Variants in RAPGEF4 observed in about 807,000 individuals in gnomAD.
RAPGEF4 encodes the protein RAP guanine-nucleotide-exchange factor (GEF) 4.
RAPGEF4 carries 66 observed loss-of-function variants against 147.9 expected under a neutral mutation model. The ratio of observed to expected loss-of-function variants is 0.45; its 90% CI spans 0.37 to 0.55. The LOEUF (loss-of-function observed/expected upper bound fraction) is 0.55. Among genes scored for constraint, RAPGEF4 ranks in the 20% least tolerant of loss-of-function variants. The pLI, the probability that RAPGEF4 is intolerant of heterozygous loss-of-function variation, is 0.00. For missense variants in RAPGEF4, 1,071 were observed against 1,257.3 expected, an observed-to-expected ratio of 0.85 and a Z score of 2.24; for synonymous variants, 419 against 442.7, an observed-to-expected ratio of 0.95 and a Z score of 0.67.
At chr2:172,786,326 T>C (rs1685194842) in intron 1 of RAPGEF4, among the ~76,000 whole-genome samples, 1 of 152,124 alleles carries the variant, frequency 6.6e-6, no homozygotes, top group Non-Finnish European at 1.5e-5. Flanking sequence ...TATACTATAT[T>C]CTAATTTTGG....
At chr2:172,776,514 T>C (rs1187059901) in intron 1 of RAPGEF4, among the ~76,000 whole-genome samples, 1 of 152,224 alleles carries the variant, frequency 6.6e-6, no homozygotes, top group Non-Finnish European at 1.5e-5. Flanking sequence ...TAAATTTTTT[T>C]CCCCTCCATT....
At chr2:172,868,853 C>T (rs1017919655) in intron 4 of RAPGEF4, among the ~76,000 whole-genome samples, 1 of 152,142 alleles carries the variant, frequency 6.6e-6, no homozygotes, top group African/African-American at 2.4e-5. Flanking sequence ...GGCATCTGCT[C>T]CTGGTGAGGG....
intron 1 of RAPGEF4, among the ~76,000 whole-genome samples, chr2:172,780,254 A>G (rs1019603814): frequency 3.3e-5 from 5 of 152,252 alleles, no homozygotes; most frequent in African/African-American, 1.2e-4. Context: ...CAGGTGGCTT[A>G]GAACTCCAGG....
intron 10 of RAPGEF4, among the ~76,000 whole-genome samples, chr2:172,982,943 C>T (rs1233200821): frequency 6.6e-6 from 1 of 152,114 alleles, no homozygotes; most frequent in Non-Finnish European, 1.5e-5. Flanking sequence ...CCCTTATCTC[C>T]TCAGGGCTAG....
chr2:172,824,064 G>A (rs899823200), intron 4 of RAPGEF4, among the ~76,000 whole-genome samples: 2 of 152,180 alleles, frequency 1.3e-5, no homozygotes, highest in African/African-American at 4.8e-5. Context: ...TTAAAGAAGG[G>A]AGAGCCACAA....
chr2:172,861,284 G>A (rs1476310935), intron 4 of RAPGEF4, among the ~76,000 whole-genome samples: 1 of 152,244 alleles, frequency 6.6e-6, no homozygotes, highest in African/African-American at 2.4e-5. Flanking sequence ...CTACTTAAGT[G>A]TGAGCATACA....
chr2:172,990,661 C>T lies in RAPGEF4; in HGVS notation c.1375-149C>T, dbSNP rs149844123. On this transcript the variant is annotated intron_variant, in intron 14 of 30. Coordinates refer to ENST00000397081, the MANE Select transcript of RAPGEF4 (RefSeq NM_007023.4). ...AACCTCATCTGGTCCTCTCTCTGAC[C>T]GTTCCAGCCCTTGACTTTGAAAATG... is the stretch of plus-strand genomic sequence containing the variant. 1.3e-4 allele frequency: 81 copies of T among 618,482 alleles called. No homozygotes were observed. The East Asian group carries it at 1.8e-3, about 13-fold the overall frequency. 38.3% of individuals were successfully genotyped at this position (618,482 alleles called of 1,614,324 possible). A position where few individuals can be genotyped will look rare whatever the true frequency, so the allele number is the denominator to read the frequency against.
At chr2:172,827,097 C>T (rs1235265409) in intron 4 of RAPGEF4, among the ~76,000 whole-genome samples, 2 of 152,132 alleles carry the variant, frequency 1.3e-5, no homozygotes, top group East Asian at 1.9e-4. Context: ...AAAGTTTCAT[C>T]ATACATAGCA....
chr2:172,861,696 G>A (rs1007439610), intron 4 of RAPGEF4, among the ~76,000 whole-genome samples: 2 of 152,238 alleles, frequency 1.3e-5, no homozygotes, highest in Non-Finnish European at 2.9e-5. Flanking sequence ...GAGCAGGCAT[G>A]TGATTTTCTA....
intron 15 of RAPGEF4, among the ~76,000 whole-genome samples, chr2:172,993,874 T>C (rs1321905951): frequency 2.0e-5 from 3 of 152,144 alleles, no homozygotes; most frequent in East Asian, 1.9e-4. Flanking sequence ...AGGAAGTCTT[T>C]GGTAGCAAAA....
intron 22 of RAPGEF4, 54 bp downstream of exon 22, chr2:173,018,856 G>A: frequency 6.3e-7 from 1 of 1,584,540 alleles, no homozygotes; most frequent in South Asian, 1.2e-5. Flanking sequence ...TTCCATCCAA[G>A]CAGAAACTAT....
chr2:172,736,152 G>T (rs1693741601), intron 1 of RAPGEF4, 104 bp downstream of exon 1: 1 of 910,696 alleles, frequency 1.1e-6, no homozygotes, highest in South Asian at 3.7e-5. Flanking sequence ...CGGGCTGCGG[G>T]TGGCCGGGGT....
intron 10 of RAPGEF4, among the ~76,000 whole-genome samples, chr2:172,976,281 C>A (rs1483161131): frequency 6.6e-6 from 1 of 152,066 alleles, no homozygotes; most frequent in African/African-American, 2.4e-5. Context: ...TCACCAGGTT[C>A]CTGGAATGTC....
chr2:172,935,543 A>T (rs1686474890), intron 6 of RAPGEF4, among the ~76,000 whole-genome samples: 1 of 152,158 alleles, frequency 6.6e-6, no homozygotes, highest in Non-Finnish European at 1.5e-5. Context: ...CCTTCGATTG[A>T]TGTACTCAAA....
At chr2:172,990,573 T>A (rs1692730767) in intron 14 of RAPGEF4, among the ~76,000 whole-genome samples, 1 of 152,212 alleles carries the variant, frequency 6.6e-6, no homozygotes. Flanking sequence ...ATAACCACAC[T>A]ATGCTTTATT....
chr2:173,049,862 G>T (rs1295586438), intron 30 of RAPGEF4, among the ~76,000 whole-genome samples: 1 of 152,152 alleles, frequency 6.6e-6, no homozygotes, highest in African/African-American at 2.4e-5. Context: ...TAAAGCAGTT[G>T]TACAAGTGGA....
intron 29 of RAPGEF4, among the ~76,000 whole-genome samples, chr2:173,044,712 G>A (rs998698012): frequency 6.6e-6 from 1 of 152,134 alleles, no homozygotes. Flanking sequence ...CGACAGGGGG[G>A]TTCAATTTGT....
At chr2:172,747,537 G>A (rs1694890369) in intron 1 of RAPGEF4, among the ~76,000 whole-genome samples, 1 of 152,182 alleles carries the variant, frequency 6.6e-6, no homozygotes, top group Non-Finnish European at 1.5e-5. Context: ...CACAATCATA[G>A]CTAAGTGTAG....
rs1010988590 is a variant in RAPGEF4 at position 172,953,647 on chromosome 2, G to T, written c.538-7113G>T. Among the ~76,000 whole-genome samples, 7 of 152,022 alleles carry T rather than the reference G, an allele frequency of 4.6e-5. No individual in the cohort carries two copies. In the East Asian group the frequency reaches 1.4e-3, roughly 29 times the overall value. On this transcript the variant is annotated intron_variant, in intron 6 of 30. Transcript: ENST00000397081. ...AATCCATAAATGTTTTGTCACTTTGGGCCCTTAAAATGTTATTTCAGCTAT... is the reference window on the plus strand; with the variant it reads ...AATCCATAAATGTTTTGTCACTTTGTGCCCTTAAAATGTTATTTCAGCTAT...
Sources: gnomAD v4.1 joint callset for allele counts (sites outside exome capture counted in the v4.1 genomes callset) on GRCh38, gnomAD v4.1.1 for gene constraint, MANE v1.5 for transcripts, NCBI Gene and HGNC (gene_info 2026-07-23, HGNC 2026-07-21) for gene names.